Variants in MARF1 observed in about 807,000 individuals in gnomAD.
The protein encoded by MARF1 is limkain-b1.
MARF1 carries 24 observed loss-of-function variants against 168.2 expected under a neutral mutation model. The observed-to-expected ratio is 0.14, with a 90% CI of 0.10 to 0.20. The LOEUF (loss-of-function observed/expected upper bound fraction) is 0.20, where lower values mean the gene tolerates loss of function less well. Among genes scored for constraint, MARF1 ranks in the 10% least tolerant of loss-of-function variants. The pLI, the probability that MARF1 is intolerant of heterozygous loss-of-function variation, is 1.00. For missense variants in MARF1, 1,744 were observed against 2,143.6 expected (o/e 0.81, Z 3.68); for synonymous variants, 868 against 822.4 (o/e 1.06, Z -0.95).
chr16:15,598,937 G>A lies in MARF1; in HGVS notation c.4901C>T (p.Pro1634Leu). The A allele has an allele frequency of 1.2e-6, 2 of 1,613,744 alleles. No individual in the cohort carries two copies. The highest frequency in any genetic ancestry group is 1.7e-6 in the Non-Finnish European group (2 of 1,179,932). The change falls in exon 26 of 27, where the codon CCG becomes CTG. Residue 1634 changes from proline (P) to leucine (L), a missense_variant. Transcript: ENST00000396368. ...LLCAPVPSCL[P>L]SPQLRPDPVI... ...GGGGTCTGGTCTCAGCTGAGGGGAC[G>A]GCAGGCACGAGGGGACAGGCGCACA...
At chr16:15,615,350 T>C (rs1459137660) in intron 16 of MARF1, among the ~76,000 whole-genome samples, 1 of 151,906 alleles carries the variant, frequency 6.6e-6, no homozygotes, top group Admixed American at 6.6e-5. Context: ...TCTAGGCCGG[T>C]TGCTGTGGCT....
At chr16:15,636,444 T>C (rs1471386402) in intron 2 of MARF1, 102 bp from the exon 3 acceptor site, 3 of 798,418 alleles carry the variant, frequency 3.8e-6, no homozygotes, top group East Asian at 5.4e-5. Flanking sequence ...TGTTCAATTC[T>C]GTTACATCAC....
chr16:15,611,197 G>T, intron 18 of MARF1, 89 bp from the exon 19 acceptor site: 1 of 1,304,296 alleles, frequency 7.7e-7, no homozygotes, highest in Non-Finnish European at 1.1e-6. Flanking sequence ...TGGGGCTCAC[G>T]CCTGTAATCC....
In MARF1 at chr16:15,615,837, G is replaced by C. The variant is rs776774552; in HGVS notation, c.3246C>G (p.Pro1082=). 2.6e-6 allele frequency: 4 copies of C among 1,558,048 alleles called. No individual in the cohort carries two copies. Among genetic ancestry groups the C allele is most frequent in the Non-Finnish European group, 3.5e-6 (4 of 1,148,852 alleles). The part of the protein sequence containing the change: ...VKWIHNKPPP[P]NTDPWLLRSK... Reference sequence around the variant, plus strand: ...AAAATACCTGACACCTACCAGTGTTGGGAGGCGGGGGCTTGTTGTGAATCC... The same window carrying C: ...AAAATACCTGACACCTACCAGTGTTCGGAGGCGGGGGCTTGTTGTGAATCC... The change falls in exon 16 of 27, where the codon CCC becomes CCG. Residue 1082 remains proline, a synonymous_variant. Transcript: ENST00000396368.
chr16:15,607,024 C>T (rs995442086), intron 21 of MARF1, among the ~76,000 whole-genome samples: 6 of 152,276 alleles, frequency 3.9e-5, no homozygotes, highest in Admixed American at 2.0e-4. Flanking sequence ...GCCAGCAGCA[C>T]CGACTCTTCC....
At chr16:15,606,529 A>C (rs1283663102) in intron 21 of MARF1, among the ~76,000 whole-genome samples, 1 of 152,008 alleles carries the variant, frequency 6.6e-6, no homozygotes, top group Non-Finnish European at 1.5e-5. Flanking sequence ...CTAAGTCCTG[A>C]GCCCTGCCTC....
At chr16:15,619,220 T>C (rs1019017018) in intron 13 of MARF1, among the ~76,000 whole-genome samples, 2 of 152,234 alleles carry the variant, frequency 1.3e-5, no homozygotes, top group Non-Finnish European at 2.9e-5. Flanking sequence ...GAGGCTGCAA[T>C]GACCTAGGGT....
At chr16:15,620,300 A>G (rs745631336) in intron 13 of MARF1, 151 bp downstream of exon 13, 2 of 466,444 alleles carry the variant, frequency 4.3e-6, no homozygotes, top group South Asian at 5.4e-5. Flanking sequence ...ACTGTCTGCT[A>G]AACATTCATT....
intron 22 of MARF1, 107 bp downstream of exon 22, chr16:15,604,061 C>T: frequency 1.4e-5 from 12 of 854,114 alleles, no homozygotes; most frequent in Admixed American, 2.4e-5. Flanking sequence ...AATGGTCTCT[C>T]GGGTCCCTTC....
chr16:15,614,987 G>C (rs2033927575), intron 16 of MARF1, among the ~76,000 whole-genome samples: 1 of 152,002 alleles, frequency 6.6e-6, no homozygotes. Flanking sequence ...CACCATGTTG[G>C]CCAGGCTGGT....
At chr16:15,628,020 TG>T (rs1287182128) in intron 7 of MARF1, among the ~76,000 whole-genome samples, 1 of 152,172 alleles carries the variant, frequency 6.6e-6, no homozygotes, top group African/African-American at 2.4e-5. Context: ...TAAATTACCT[TG>T]CTGGAAATGG....
chr16:15,602,499 CGAA>C (rs2032561450), intron 22 of MARF1: 2 of 540,004 alleles, frequency 3.7e-6, no homozygotes, highest in South Asian at 3.5e-5. Context: ...GAAGACAAGA[CGAA>C]GACGACGATG....
Position 15,616,000 on chromosome 16 carries a change from G to T in MARF1, c.3083C>A (p.Pro1028Gln), listed in dbSNP as rs770746471. Reference sequence around the variant, plus strand: ...GCCAAACTCTGCAATGTAACAATCTGGAAAGCTGAAATAGGAAAAAACAAC... The same window carrying T: ...GCCAAACTCTGCAATGTAACAATCTTGAAAGCTGAAATAGGAAAAAACAAC... ...HEGTVPLLSF[P>Q]DCYIAEFGDL... is the part of the protein sequence containing the mutation. The change falls in exon 16 of 27, where the codon CCA (proline) becomes CAA (glutamine). Residue 1028 changes from proline to glutamine, a missense_variant. Transcript: ENST00000396368. 272 of 1,495,212 alleles carry T rather than the reference G, an allele frequency of 1.8e-4. No homozygotes were observed. Among genetic ancestry groups the T allele is most frequent in the Admixed American group, 8.7e-4 (38 of 43,474 alleles). The allele number at this position is 1,495,212 out of a possible 1,614,324, so 92.6% of individuals were successfully genotyped here. A position where few individuals can be genotyped will look rare whatever the true frequency, so the allele number is the denominator to read the frequency against.
chr16:15,615,704 A>G (rs2033990528), intron 16 of MARF1, 126 bp downstream of exon 16: 1 of 593,586 alleles, frequency 1.7e-6, no homozygotes, highest in South Asian at 6.5e-5. Context: ...TCAAAAGATC[A>G]AAGGACACAT....
chr16:15,633,570 C>T (rs768975658), intron 5 of MARF1, 47 bp downstream of exon 5: 5 of 1,335,086 alleles, frequency 3.7e-6, no homozygotes, highest in African/African-American at 3.0e-5. Context: ...CAAATATCTG[C>T]TTATTCCTCT....
chr16:15,616,903 G>T, intron 15 of MARF1, 149 bp downstream of exon 15: 1 of 1,132,798 alleles, frequency 8.8e-7, no homozygotes, highest in East Asian at 2.4e-5. Flanking sequence ...GTTATGTGGT[G>T]CATGACTGTA....
intron 21 of MARF1, among the ~76,000 whole-genome samples, chr16:15,604,837 C>A (rs1314404841): frequency 2.0e-5 from 3 of 152,144 alleles, no homozygotes; most frequent in Non-Finnish European, 4.4e-5. Flanking sequence ...GCAGACCCGA[C>A]TTGCCCATAT....
chr16:15,641,984 T>C (rs916740636), intron 1 of MARF1, among the ~76,000 whole-genome samples: 2 of 152,226 alleles, frequency 1.3e-5, no homozygotes, highest in African/African-American at 4.8e-5. Context: ...ATAGGCTCTG[T>C]CGACTGTCTG....
intron 21 of MARF1, 27 bp from the exon 22 acceptor site, chr16:15,604,425 T>C (rs771916744): frequency 5.8e-6 from 9 of 1,552,104 alleles, no homozygotes; most frequent in South Asian, 2.2e-5. Flanking sequence ...TTCACACTTT[T>C]CAGAGCTCAA....
Sources: allele counts gnomAD v4.1 joint callset (sites outside exome capture counted in the v4.1 genomes callset), GRCh38; gene constraint gnomAD v4.1.1; transcripts MANE v1.5; gene names NCBI Gene and HGNC (gene_info 2026-07-23, HGNC 2026-07-21).